The following ASTN2 variants were observed in gnomAD, a reference collection of about 807,000 sequenced individuals.
ASTN2 encodes astrotactin 2.
A neutral mutation model predicts 139.8 loss-of-function variants in ASTN2; 54 were observed. The observed-to-expected ratio is 0.39, with a 90% confidence interval of 0.31 to 0.48. The LOEUF is 0.48. Among genes scored for constraint, ASTN2 ranks in the 20% least tolerant of loss-of-function variants. The pLI is 0.95. For missense variants in ASTN2, 1,565 were observed against 1,725.1 expected (o/e 0.91, Z 1.64); for synonymous variants, 756 against 719.5 (o/e 1.05, Z -0.81).
chr9:117,382,817 A>C (rs1399144334), intron 1 of ASTN2, among the ~76,000 whole-genome samples: 1 of 152,192 alleles, frequency 6.6e-6, no homozygotes, highest in Non-Finnish European at 1.5e-5. Context: ...AGTTCAAAGG[A>C]GGAAAACATA....
At chr9:117,048,427 A>G (rs1838807102) in intron 5 of ASTN2, among the ~76,000 whole-genome samples, 1 of 152,206 alleles carries the variant, frequency 6.6e-6, no homozygotes, top group Non-Finnish European at 1.5e-5. Context: ...TTATTGACAA[A>G]GCCACTGGGG....
chr9:117,262,324 TG>T (rs1833841748), intron 2 of ASTN2, among the ~76,000 whole-genome samples: 2 of 152,206 alleles, frequency 1.3e-5, no homozygotes, highest in Non-Finnish European at 2.9e-5. Flanking sequence ...AAACACTTTG[TG>T]GTTATTAATT....
At chr9:116,508,060 G>A (rs1394865541) in intron 19 of ASTN2, among the ~76,000 whole-genome samples, 2 of 151,936 alleles carry the variant, frequency 1.3e-5, no homozygotes, top group Admixed American at 6.6e-5. Flanking sequence ...GGCTAATTTT[G>A]TAATTTTTTT....
At chr9:116,668,851 G>A (rs943746022) in intron 16 of ASTN2, among the ~76,000 whole-genome samples, 6 of 152,194 alleles carry the variant, frequency 3.9e-5, no homozygotes, top group Admixed American at 6.5e-5. Context: ...GGCTAGAAAT[G>A]ACTTAGTGTG....
chr9:117,115,656 G>A (rs897120798), intron 4 of ASTN2, among the ~76,000 whole-genome samples: 1 of 152,126 alleles, frequency 6.6e-6, no homozygotes, highest in Non-Finnish European at 1.5e-5. Context: ...ATATTGATTT[G>A]TTTACTCAAC....
At chr9:117,161,725 C>A (rs973298618) in intron 3 of ASTN2, among the ~76,000 whole-genome samples, 1 of 151,930 alleles carries the variant, frequency 6.6e-6, no homozygotes, top group Non-Finnish European at 1.5e-5. Flanking sequence ...CTCTTAAAGA[C>A]TATGTAAGAT....
intron 3 of ASTN2, among the ~76,000 whole-genome samples, chr9:117,195,289 AG>A (rs1831467907): frequency 6.6e-6 from 1 of 152,150 alleles, no homozygotes; most frequent in Non-Finnish European, 1.5e-5. Flanking sequence ...GGAAGGAAAG[AG>A]GGTAGTTTTC....
At chr9:117,043,146 C>A (rs149832164) in intron 5 of ASTN2, among the ~76,000 whole-genome samples, 2 of 152,168 alleles carry the variant, frequency 1.3e-5, no homozygotes, top group Non-Finnish European at 2.9e-5. Flanking sequence ...GCTGGGATTA[C>A]AGGCACGAAC....
chr9:117,076,269 G>A (rs1286673393), intron 5 of ASTN2, among the ~76,000 whole-genome samples: 1 of 152,168 alleles, frequency 6.6e-6, no homozygotes, highest in Admixed American at 6.5e-5. Context: ...TCACTGTTGA[G>A]GGTGAAAAGG....
chr9:117,205,998 T>C (rs1269587726), intron 3 of ASTN2, among the ~76,000 whole-genome samples: 2 of 152,124 alleles, frequency 1.3e-5, no homozygotes, highest in African/African-American at 2.4e-5. Flanking sequence ...CAACAACATA[T>C]GTGAAAAGGA....
chr9:116,831,342 C>T (rs1831809540), intron 11 of ASTN2, among the ~76,000 whole-genome samples: 1 of 152,042 alleles, frequency 6.6e-6, no homozygotes, highest in Admixed American at 6.5e-5. Context: ...GCTTATACCC[C>T]CTAAATATAT....
intron 1 of ASTN2, among the ~76,000 whole-genome samples, chr9:117,366,927 A>G (rs1428199376): frequency 1.3e-5 from 2 of 152,160 alleles, no homozygotes; most frequent in East Asian, 1.9e-4. Flanking sequence ...GGTGCACACC[A>G]CTACACTCAG....
At chr9:116,524,450 C>T (rs2119253313) in intron 19 of ASTN2, among the ~76,000 whole-genome samples, 1 of 152,242 alleles carries the variant, frequency 6.6e-6, no homozygotes, top group African/African-American at 2.4e-5. Flanking sequence ...ACACCTTTCC[C>T]TTGCAGGCTT....
At chr9:116,832,940 T>TTTTATTTATTTATTTATTTA (rs376636277) in intron 11 of ASTN2, among the ~76,000 whole-genome samples, 21,580 of 149,680 alleles carry the variant, frequency 0.14, 1,992 homozygotes, top group East Asian at 0.3. Context: ...TTTTGTTTTG[T>TTTTATTTATTTATTTATTTA]TTTATTTATT....
At chr9:117,407,927 T>C (rs977059636) in intron 1 of ASTN2, among the ~76,000 whole-genome samples, 3 of 152,122 alleles carry the variant, frequency 2.0e-5, no homozygotes, top group African/African-American at 7.2e-5. Context: ...CTAATGCTGC[T>C]CCACCCCAAG....
intron 5 of ASTN2, among the ~76,000 whole-genome samples, chr9:117,047,676 A>G (rs550304870): frequency 2.0e-5 from 3 of 152,216 alleles, no homozygotes; most frequent in Non-Finnish European, 1.5e-5. Context: ...CAGGGCAGCT[A>G]TTTTGTTAAA....
intron 2 of ASTN2, among the ~76,000 whole-genome samples, chr9:117,241,292 C>T (rs1833197719): frequency 6.6e-6 from 1 of 152,156 alleles, no homozygotes; most frequent in Non-Finnish European, 1.5e-5. Flanking sequence ...CTCCTGAAAA[C>T]CAGGAGTACC....
chr9:117,063,634 A>G (rs1839361980), intron 5 of ASTN2, among the ~76,000 whole-genome samples: 1 of 152,206 alleles, frequency 6.6e-6, no homozygotes, highest in Non-Finnish European at 1.5e-5. Context: ...AAAACAGACT[A>G]ATACACCTGG....
intron 2 of ASTN2, among the ~76,000 whole-genome samples, chr9:117,225,293 C>T (rs1478154182): frequency 6.6e-6 from 1 of 151,788 alleles, no homozygotes; most frequent in Non-Finnish European, 1.5e-5. Flanking sequence ...GTCAGCATCC[C>T]ACTACATGTC....
Sources: gnomAD v4.1 joint callset for allele counts (sites outside exome capture counted in the v4.1 genomes callset) on GRCh38, gnomAD v4.1.1 for gene constraint, MANE v1.5 for transcripts, NCBI Gene and HGNC (gene_info 2026-07-23, HGNC 2026-07-21) for gene names.